BOLL: variants seen among roughly 807,000 people sequenced by gnomAD.
The protein encoded by BOLL is protein boule-like.
In BOLL, 23 loss-of-function variants were observed where a neutral mutation model predicts 44.4. That is an observed-to-expected ratio of 0.52 (90% CI 0.37 to 0.73). The LOEUF is 0.73. Ranked by LOEUF, BOLL falls within the 30% of genes least tolerant of loss-of-function variation. BOLL has a pLI of 0.00. For missense variants in BOLL, 287 were observed against 338.3 expected (o/e 0.85, Z 1.19); for synonymous variants, 97 against 110.8 (o/e 0.88, Z 0.78).
chr2:197,729,462 C>T (rs1687036342), intron 10 of BOLL, among the ~76,000 whole-genome samples: 1 of 152,146 alleles, frequency 6.6e-6, no homozygotes, highest in Non-Finnish European at 1.5e-5. Context: ...TGGAGCCCAG[C>T]ACAGCTCAAG....
At chr2:197,775,306 A>G (rs1178482169) in intron 5 of BOLL, among the ~76,000 whole-genome samples, 3 of 151,898 alleles carry the variant, frequency 2.0e-5, no homozygotes, top group Non-Finnish European at 4.4e-5. Context: ...ACTCTGATTA[A>G]TTTTAAATTA....
At chr2:197,785,494 C>G, upstream of BOLL, 1 of 668,546 alleles carries the variant, frequency 1.5e-6, no homozygotes, top group Non-Finnish European at 1.9e-6. The surrounding 1 kb of genome is among the most constrained non-coding windows in gnomAD (Gnocchi z 6.7). Context: ...CGGGTCCCGC[C>G]TGGGCCACAG....
chr2:197,746,899 G>GAA (rs35300403), intron 9 of BOLL, among the ~76,000 whole-genome samples: 2 of 94,104 alleles, frequency 2.1e-5, no homozygotes, highest in Non-Finnish European at 2.1e-5. Flanking sequence ...ACTCTGTCTC[G>GAA]AAAAAAAAAA....
intron 7 of BOLL, among the ~76,000 whole-genome samples, chr2:197,759,608 C>G (rs1019886025): frequency 1.3e-5 from 2 of 152,162 alleles, no homozygotes; most frequent in African/African-American, 4.8e-5. Context: ...TGAACACAAC[C>G]TCAGCAGCAT....
intron 7 of BOLL, among the ~76,000 whole-genome samples, chr2:197,765,622 T>C (rs1272427623): frequency 1.3e-5 from 2 of 151,612 alleles, no homozygotes; most frequent in Middle Eastern, 6.8e-3. Flanking sequence ...TGAAAAAAAA[T>C]TAAAAAAAAA....
At chr2:197,745,338 C>G (rs1484559895) in intron 9 of BOLL, among the ~76,000 whole-genome samples, 1 of 152,008 alleles carries the variant, frequency 6.6e-6, no homozygotes, top group Non-Finnish European at 1.5e-5. Flanking sequence ...CCATCCCACT[C>G]TATTCATTAA....
At chr2:197,734,050 TG>T (rs1197988167) in intron 10 of BOLL, among the ~76,000 whole-genome samples, 72 of 151,392 alleles carry the variant, frequency 4.8e-4, no homozygotes, top group Non-Finnish European at 7.2e-4. Flanking sequence ...AGAAAATTTT[TG>T]CAACCTACTC....
Position 197,781,502 on chromosome 2 carries a change from C to T in BOLL, c.129+220G>A, listed in dbSNP as rs1265878158. On this transcript the variant is annotated intron_variant, in intron 2 of 10. Transcript: ENST00000392296. ...TCACTATGTGGCTAGCAGCCCACAG[C>T]AAGTCAGTGAGGATCAATTTCTTTA... Among the ~76,000 whole-genome samples, 5 of 152,130 alleles carry T rather than the reference C, an allele frequency of 3.3e-5. No individual in the cohort carries two copies. The East Asian group carries it at 9.6e-4, about 29-fold the overall frequency.
chr2:197,781,785 T>C lies in BOLL; in HGVS notation c.66A>G (p.Thr22=). 6.2e-7 allele frequency: 1 copy of C among 1,607,872 alleles called. No homozygotes were observed. The highest frequency in any genetic ancestry group is 8.5e-7 in the Non-Finnish European group (1 of 1,175,714). ...PVSPVPLNNP[T]SAPRYGTVIP... is the part of the protein sequence containing the mutation. The stretch of plus-strand genomic sequence containing the variant: ...TCACTGTTCCATATCTTGGGGCACT[T>C]GTTGGGTTATTCAAAGGCACAGGTG... Residue 22 remains threonine (T), a synonymous_variant, in exon 2 of 11, where the codon ACA becomes ACG. Transcript: ENST00000392296.
rs1689017814 is a variant in BOLL at position 197,766,700 on chromosome 2, T to C, written c.481-97A>G. On this transcript the variant is annotated intron_variant, in intron 6 of 10. Coordinates refer to ENST00000392296, the MANE Select transcript of BOLL (RefSeq NM_033030.6). ...TTATTACCTAAACCCAGTAAACTTCTGGTTTATGATTAGAAATATTATTTT... is the reference window on the plus strand; with the variant it reads ...TTATTACCTAAACCCAGTAAACTTCCGGTTTATGATTAGAAATATTATTTT... The C allele has an allele frequency of 4.9e-6, 4 of 820,584 alleles. No individual in the cohort carries two copies. In the Admixed American group the frequency reaches 7.8e-5, roughly 16 times the overall value. 50.8% of individuals were successfully genotyped at this position (820,584 alleles called of 1,614,324 possible).
rs927087730 is a variant in BOLL, at chr2:197,727,944, T to A, written c.*611A>T. ...TTTGGAAAATGTTATAAAAAAGAAG[T>A]ATAAATACTATTCAGATTCTGAAAA... On this transcript the variant is annotated 3_prime_UTR_variant, in exon 11 of 11. Transcript: ENST00000392296. The A allele has an allele frequency of 1.3e-5, 2 of 152,388 alleles. No individual in the cohort carries two copies. Among genetic ancestry groups the A allele is most frequent in the South Asian group, 2.1e-4 (1 of 4,832 alleles). 9.4% of individuals were successfully genotyped at this position (152,388 alleles called of 1,614,324 possible).
In BOLL at chr2:197,743,466, G is replaced by A. The variant is rs538700882; in HGVS notation, c.730-307C>T. Among the ~76,000 whole-genome samples, 329 of 152,300 alleles carry A rather than the reference G, an allele frequency of 2.2e-3. 1 individual carries two copies. Among genetic ancestry groups the A allele is most frequent in the African/African-American group, 7.5e-3 (313 of 41,568 alleles). On this transcript the variant is annotated intron_variant, in intron 9 of 10. Transcript: ENST00000392296. ...GCAGTTATGGCTTGTCCAGCAGATG[G>A]TGGTACCATTCATTGGAATATAGAA...
At chr2:197,758,798 A>C (rs1688626906) in intron 7 of BOLL, 1 of 572,946 alleles carries the variant, frequency 1.7e-6, no homozygotes, top group African/African-American at 1.9e-5. Context: ...CTTTAATATA[A>C]ATTATGTTAA....
intron 6 of BOLL, among the ~76,000 whole-genome samples, chr2:197,769,282 G>C (rs546314909): frequency 6.6e-6 from 1 of 152,146 alleles, no homozygotes; most frequent in Admixed American, 6.5e-5. Context: ...CTGTGAATCT[G>C]TCTGGTCCTG....
chr2:197,741,783 C>A (rs1185000396), intron 10 of BOLL, among the ~76,000 whole-genome samples: 7 of 151,832 alleles, frequency 4.6e-5, no homozygotes, highest in African/African-American at 9.7e-5. Context: ...CACCAAAAGC[C>A]ATGGCAACAA....
At chr2:197,742,369 G>A (rs1687783067) in intron 10 of BOLL, among the ~76,000 whole-genome samples, 1 of 152,186 alleles carries the variant, frequency 6.6e-6, no homozygotes, top group Admixed American at 6.5e-5. Flanking sequence ...GCACACGTAT[G>A]TTTATTGCGG....
intron 10 of BOLL, among the ~76,000 whole-genome samples, chr2:197,741,411 A>G (rs1465617421): frequency 6.6e-6 from 1 of 152,156 alleles, no homozygotes; most frequent in Non-Finnish European, 1.5e-5. Context: ...TAGATATACA[A>G]TACTACAAGG....
rs746652761 is a variant in BOLL, at chr2:197,773,809, G to T, written c.353-1827C>A. On this transcript the variant is annotated intron_variant, in intron 5 of 10. Coordinates refer to ENST00000392296, the MANE Select transcript of BOLL (RefSeq NM_033030.6). The stretch of plus-strand genomic sequence containing the variant: ...GCACTTTTGAAAGATCACTCTGGCT[G>T]CCTTGTGAATGATGGATTGGAAGGT... Among the ~76,000 whole-genome samples, 7 of 152,018 alleles carry T rather than the reference G, an allele frequency of 4.6e-5. No individual in the cohort carries two copies. In the South Asian group the frequency reaches 8.3e-4, roughly 18 times the overall value.
intron 9 of BOLL, among the ~76,000 whole-genome samples, chr2:197,746,101 C>A (rs1041850376): frequency 6.6e-6 from 1 of 152,044 alleles, no homozygotes; most frequent in Non-Finnish European, 1.5e-5. Flanking sequence ...TGCCACATCC[C>A]AATACAGAAC....
Sources: allele counts gnomAD v4.1 joint callset (sites outside exome capture counted in the v4.1 genomes callset), GRCh38; gene constraint gnomAD v4.1.1; non-coding constraint Gnocchi (gnomAD v3.1); transcripts MANE v1.5; gene names NCBI Gene and HGNC (gene_info 2026-07-23, HGNC 2026-07-21).